Variants in CC2D2A observed in about 807,000 individuals in gnomAD.
CC2D2A encodes the protein coiled-coil and C2 domain containing 2A, also known as coiled-coil and C2 domain-containing protein 2A.
CC2D2A carries 155 observed loss-of-function variants against 212.9 expected under a neutral mutation model. The ratio of observed to expected loss-of-function variants is 0.73; its 90% confidence interval spans 0.64 to 0.83. CC2D2A has a LOEUF of 0.83. CC2D2A is among the 40% of genes least tolerant of loss of function. The probability of loss-of-function intolerance (pLI) is 0.00; values close to 1 mark genes in which losing one functional copy is unlikely to be tolerated. For missense variants in CC2D2A, 1,856 were observed against 1,956.2 expected (o/e 0.95, Z 0.97); for synonymous variants, 667 against 686.5 (o/e 0.97, Z 0.44).
chr4:15,542,997 T>C (rs1462341725), intron 17 of CC2D2A, among the ~76,000 whole-genome samples: 1 of 152,044 alleles, frequency 6.6e-6, no homozygotes, highest in Non-Finnish European at 1.5e-5. Flanking sequence ...TGCCAAGAAA[T>C]AAGAGGCAGA....
At chr4:15,563,896 G>A (rs575699912) in intron 24 of CC2D2A, 44 of 192,068 alleles carry the variant, frequency 2.3e-4, no homozygotes, top group African/African-American at 7.9e-4. Context: ...CCAATTAAGC[G>A]TCATTTTCTC....
chr4:15,557,350 A>C lies in CC2D2A; in HGVS notation c.2672A>C (p.Glu891Ala). 1 of 1,613,680 alleles carries C rather than the reference A, an allele frequency of 6.2e-7. No individual in the cohort carries two copies. The highest frequency in any genetic ancestry group is 8.5e-7 in the Non-Finnish European group (1 of 1,179,722). Residue 891 changes from glutamate (E) to alanine (A), a missense_variant, in exon 21 of 37, where the codon GAG becomes GCG. Physicochemically the swap from Glu to Ala is moderately radical, Grantham distance 107 (BLOSUM62 -1). Transcript: ENST00000424120. Reference sequence around the variant, plus strand: ...TATGTCCCTGATTTCTTTAGACTGGAGCAGCTGCAACAGGAGTTTAACTTT... The same window carrying C: ...TATGTCCCTGATTTCTTTAGACTGGCGCAGCTGCAACAGGAGTTTAACTTT... ...ESYVPDFFRLEQLQQEFNFVS... is the reference protein window; with the variant it reads ...ESYVPDFFRLAQLQQEFNFVS...
In CC2D2A at chr4:15,557,493, GA is replaced by G; in HGVS notation, c.2819del (p.Lys940ArgfsTer15). On this transcript the variant is annotated frameshift_variant, in exon 21 of 37. Coordinates refer to ENST00000424120, the MANE Select transcript of CC2D2A (RefSeq NM_001378615.1). LOFTEE classifies it high-confidence loss of function. ...TCCAGTCTATGACCGAGAAATTATGGAAAAGGTATTCCAGGTAAGAAACTGC... is the reference window on the plus strand; with the variant it reads ...TCCAGTCTATGACCGAGAAATTATGGAAAGGTATTCCAGGTAAGAAACTGC... The part of the protein sequence containing the change: ...QVPVYDREIM[E>X]KVFQDYEKRL... The G allele has an allele frequency of 1.2e-6, 2 of 1,604,086 alleles. No homozygotes were observed. The highest frequency in any genetic ancestry group is 1.7e-6 in the Non-Finnish European group (2 of 1,175,240).
rs1018861437 is a variant in CC2D2A at position 15,578,821 on chromosome 4, T to TA, written c.3772-1145dup. On this transcript the variant is annotated intron_variant, in intron 29 of 36. Coordinates refer to ENST00000424120, the MANE Select transcript of CC2D2A (RefSeq NM_001378615.1). ...GTTTGTTTGTTTGTTTGTTTGTTTT[T>TA]AATAGAGACAGGGTCCCATTATGTT... Among the ~76,000 whole-genome samples, 10 of 150,560 alleles carry TA rather than the reference T, an allele frequency of 6.6e-5. No homozygotes were observed. In the East Asian group the frequency reaches 1.8e-3, roughly 27 times the overall value.
intron 6 of CC2D2A, among the ~76,000 whole-genome samples, chr4:15,504,545 C>T (rs1716148382): frequency 6.6e-6 from 1 of 152,126 alleles, no homozygotes. Flanking sequence ...AAAATCATTT[C>T]ACAGCATCAT....
At chr4:15,601,200 A>G (rs769844329) in intron 36 of CC2D2A, 37 bp from the exon 37 acceptor site, 19 of 1,527,208 alleles carry the variant, frequency 1.2e-5, no homozygotes, top group Admixed American at 7.1e-5. Context: ...TAAATCTTCA[A>G]ACTTCACTAA....
In CC2D2A at chr4:15,550,962, C is replaced by A. The variant is rs370866287; in HGVS notation, c.2320C>A (p.His774Asn). Reference sequence around the variant, plus strand: ...CAGTAATCAGCATGTGACACTGGACCACGAGGGAGTTGGAAGTGGTATGGA... The same window carrying A: ...CAGTAATCAGCATGTGACACTGGACAACGAGGGAGTTGGAAGTGGTATGGA... Reference protein sequence around the residue: ...FSSNQHVTLDHEGVGSGVPFS... With the variant: ...FSSNQHVTLDNEGVGSGVPFS... The change falls in exon 18 of 37, where the codon CAC (histidine) becomes AAC (asparagine). Residue 774 changes from histidine (H) to asparagine (N), a missense_variant. His to Asn is a moderately conservative substitution (Grantham distance 68). Transcript: ENST00000424120. The A allele has an allele frequency of 6.3e-7, 1 of 1,596,250 alleles. No homozygotes were observed. The highest frequency in any genetic ancestry group is 1.3e-5 in the African/African-American group (1 of 74,888).
intron 11 of CC2D2A, among the ~76,000 whole-genome samples, chr4:15,527,067 G>A (rs886228536): frequency 6.6e-6 from 1 of 152,034 alleles, no homozygotes; most frequent in African/African-American, 2.4e-5. Context: ...AATAATGATC[G>A]GTTTGAACTA....
At position 15,510,735 on chromosome 4, in the gene CC2D2A, G is replaced by A. The variant is rs1716524002; in HGVS notation, c.540+495G>A. On this transcript the variant is annotated intron_variant, in intron 7 of 36. Coordinates refer to ENST00000424120, the MANE Select transcript of CC2D2A (RefSeq NM_001378615.1). ...AATATTGCCTGACTTGAGGATGAGG[G>A]AGTGCATGGAAAGACAGGAAATGTT... Among the ~76,000 whole-genome samples, 3 of 152,194 alleles carry A rather than the reference G, an allele frequency of 2.0e-5. No homozygotes were observed. In the South Asian group the frequency reaches 6.2e-4, roughly 31 times the overall value.
intron 11 of CC2D2A, chr4:15,519,418 T>A (rs1284480231): frequency 2.5e-6 from 1 of 406,138 alleles, no homozygotes; most frequent in Admixed American, 2.8e-5. Context: ...CACATTTTCC[T>A]GTCTTCTTCT....
At chr4:15,571,558 G>A (rs989868334) in intron 28 of CC2D2A, among the ~76,000 whole-genome samples, 47 of 149,660 alleles carry the variant, frequency 3.1e-4, no homozygotes, top group African/African-American at 9.1e-4. Context: ...AGCTGAGATC[G>A]CACCACTGCA....
At chr4:15,552,736 AGT>A (rs1719071949) in intron 18 of CC2D2A, among the ~76,000 whole-genome samples, 1 of 152,204 alleles carries the variant, frequency 6.6e-6, no homozygotes, top group East Asian at 1.9e-4. Context: ...CGCTATCTTC[AGT>A]GCCTGCAATA....
At chr4:15,532,071 C>T (rs1717877036) in intron 13 of CC2D2A, among the ~76,000 whole-genome samples, 1 of 152,184 alleles carries the variant, frequency 6.6e-6, no homozygotes. Context: ...AGGGAAGTAG[C>T]TTACCCAATC....
At chr4:15,514,635 G>T in intron 8 of CC2D2A, 72 bp from the exon 9 acceptor site, 1 of 1,161,662 alleles carries the variant, frequency 8.6e-7, no homozygotes, top group Non-Finnish European at 1.2e-6. Flanking sequence ...TCATGAGTTT[G>T]GTATTGTGAA....
At position 15,475,967 on chromosome 4, in the gene CC2D2A, C is replaced by G. The variant is rs1448573841; in HGVS notation, c.35C>G (p.Thr12Arg). Residue 12 changes from threonine to arginine, a missense_variant, in exon 2 of 37, where the codon ACA becomes AGA. Thr to Arg is a moderately conservative substitution (Grantham distance 71). Coordinates refer to ENST00000424120, the MANE Select transcript of CC2D2A (RefSeq NM_001378615.1). ...AGGGAAGAAAAAGTAAAAATAATTA[C>G]AGAGGTAAGTGGCCACTTTGATGTC... is the stretch of plus-strand genomic sequence containing the variant. ...NPREEKVKII[T>R]EEFIENDEDA... 3.8e-6 allele frequency: 6 copies of G among 1,589,846 alleles called. No individual in the cohort carries two copies. Among genetic ancestry groups the G allele is most frequent in the Non-Finnish European group, 5.1e-6 (6 of 1,167,336 alleles).
chr4:15,559,253 A>T lies in CC2D2A; in HGVS notation c.2918A>T (p.Gln973Leu), dbSNP rs1321218611. 6.5e-7 allele frequency: 1 copy of T among 1,544,490 alleles called. No homozygotes were observed. The highest frequency in any genetic ancestry group is 8.8e-7 in the Non-Finnish European group (1 of 1,140,440). ...AGGGCCATAGTAGCCAAGTACCTCC[A>T]GCAGGTAAGAAAAATCATATAAAAC... ...THRAIVAKYL[Q>L]QVRESVINRF... The change falls in exon 22 of 37, where the codon CAG becomes CTG. Residue 973 changes from glutamine (Q) to leucine (L), a missense_variant. Physicochemically the swap from Gln to Leu is moderately radical, Grantham distance 113. This residue lies in a region of CC2D2A where 1,512 missense variants were observed against 1,579.3 expected (regional missense o/e 0.96). Coordinates refer to ENST00000424120, the MANE Select transcript of CC2D2A (RefSeq NM_001378615.1).
chr4:15,475,072 G>A (rs997624682), intron 1 of CC2D2A, among the ~76,000 whole-genome samples: 8 of 151,992 alleles, frequency 5.3e-5, no homozygotes, highest in African/African-American at 7.3e-5. Context: ...TCAGGAGTTC[G>A]AGACCCACTT....
intron 33 of CC2D2A, among the ~76,000 whole-genome samples, chr4:15,593,379 C>T (rs941066083): frequency 2.6e-5 from 4 of 152,158 alleles, no homozygotes; most frequent in Admixed American, 1.3e-4. Flanking sequence ...GCTACTTTTT[C>T]TGTATTCTCC....
chr4:15,503,444 A>C (rs1716079094), intron 6 of CC2D2A, among the ~76,000 whole-genome samples: 1 of 152,242 alleles, frequency 6.6e-6, no homozygotes, highest in African/African-American at 2.4e-5. Flanking sequence ...ACAGATGAGG[A>C]AACTGAGGGT....
Sources: gnomAD v4.1 joint callset for allele counts (sites outside exome capture counted in the v4.1 genomes callset) on GRCh38, gnomAD v4.1.1 for gene constraint, gnomAD v4.1.1 regional missense constraint, MANE v1.5 for transcripts, NCBI Gene and HGNC (gene_info 2026-07-23, HGNC 2026-07-21) for gene names.